Variants in GRIP1 observed in about 807,000 individuals in gnomAD.
GRIP1 encodes glutamate receptor-interacting protein 1.
A neutral mutation model predicts 129.9 loss-of-function variants in GRIP1; 45 were observed. The observed-to-expected ratio is 0.35, with a 90% confidence interval of 0.27 to 0.44. The LOEUF (loss-of-function observed/expected upper bound fraction) is 0.44, where lower values mean the gene tolerates loss of function less well. Among genes scored for constraint, GRIP1 ranks in the 20% least tolerant of loss-of-function variants. The pLI, the probability that GRIP1 is intolerant of heterozygous loss-of-function variation, is 1.00. For synonymous variants in GRIP1, 530 were observed against 520.8 expected, an observed-to-expected ratio of 1.02 and a Z score of -0.24; for missense variants, 1,196 against 1,396.8, an observed-to-expected ratio of 0.86 and a Z score of 2.29.
intron 16 of GRIP1, among the ~76,000 whole-genome samples, chr12:66,403,029 A>G (rs1048743039): frequency 1.3e-5 from 2 of 152,244 alleles, no homozygotes; most frequent in African/African-American, 4.8e-5. Flanking sequence ...TTATGTAGAC[A>G]TTACTGAAAA....
At chr12:66,815,856 C>CTTTCTTTCTTTCTTTCTTTCTCTG (rs11458006) in intron 1 of GRIP1, among the ~76,000 whole-genome samples, 59 of 134,192 alleles carry the variant, frequency 4.4e-4, no homozygotes, top group Non-Finnish European at 7.5e-4. Context: ...TTCTTTCTTT[C>CTTTCTTTCTTTCTTTCTTTCTCTG]TCTCTCTCTC....
intron 2 of GRIP1, among the ~76,000 whole-genome samples, chr12:66,594,615 C>CAGCT (rs1391446751): frequency 6.6e-6 from 1 of 152,182 alleles, no homozygotes; most frequent in East Asian, 1.9e-4. Context: ...CTGGTGCTTA[C>CAGCT]AGCTCTATAT....
intron 1 of GRIP1, among the ~76,000 whole-genome samples, chr12:66,649,206 T>C (rs7304381): frequency 6.6e-6 from 1 of 152,196 alleles, no homozygotes; most frequent in African/African-American, 2.4e-5. Context: ...CTCGATTCTC[T>C]TGATAGTATT....
chr12:66,606,196 G>C (rs959098074), intron 1 of GRIP1, among the ~76,000 whole-genome samples: 5 of 152,176 alleles, frequency 3.3e-5, no homozygotes, highest in African/African-American at 1.2e-4. Flanking sequence ...TGAAATAGGT[G>C]ATGGGACTTT....
intron 1 of GRIP1, among the ~76,000 whole-genome samples, chr12:66,849,026 T>C (rs2039866100): frequency 6.6e-6 from 1 of 152,186 alleles, no homozygotes; most frequent in Non-Finnish European, 1.5e-5. Context: ...TACTCCATCC[T>C]GCATATTGCT....
chr12:66,855,193 G>A (rs1180439847), intron 1 of GRIP1, among the ~76,000 whole-genome samples: 1 of 151,902 alleles, frequency 6.6e-6, no homozygotes, highest in Non-Finnish European at 1.5e-5. Flanking sequence ...TACACATGAG[G>A]CACATTATAT....
intron 1 of GRIP1, among the ~76,000 whole-genome samples, chr12:67,007,126 AG>A (rs2042638174): frequency 6.6e-6 from 1 of 152,202 alleles, no homozygotes; most frequent in African/African-American, 2.4e-5. Context: ...CTTTCACTAG[AG>A]AGGAGAGCAC....
At chr12:66,910,759 T>C (rs950547973) in intron 1 of GRIP1, among the ~76,000 whole-genome samples, 1 of 152,148 alleles carries the variant, frequency 6.6e-6, no homozygotes, top group Non-Finnish European at 1.5e-5. Context: ...CTTGACTTTG[T>C]AGACCAGTGA....
chr12:66,670,212 C>G (rs1221053624), intron 1 of GRIP1, among the ~76,000 whole-genome samples: 2 of 152,186 alleles, frequency 1.3e-5, no homozygotes. Flanking sequence ...AAGCAGAAAA[C>G]TTTATAACCC....
In GRIP1 at chr12:66,730,475, C is replaced by T. The variant is rs182206237; in HGVS notation, c.-420+73578G>A. Among the ~76,000 whole-genome samples, 5 of 152,164 alleles carry T rather than the reference C, an allele frequency of 3.3e-5. No homozygotes were observed. The East Asian group carries it at 9.6e-4, about 29-fold the overall frequency. The stretch of plus-strand genomic sequence containing the variant: ...TTGCTTAAGTTTATATTTACAATTT[C>T]TGTTACTAAAGATCCATAGCAATCT... On this transcript the variant is annotated intron_variant, in intron 1 of 4. Transcript: ENST00000538373.
chr12:67,002,245 A>G (rs2042562085), intron 1 of GRIP1, among the ~76,000 whole-genome samples: 1 of 152,208 alleles, frequency 6.6e-6, no homozygotes, highest in Non-Finnish European at 1.5e-5. Flanking sequence ...CCCACTCAAA[A>G]CATAGTGTTT....
At chr12:66,378,155 A>C (rs2055904024) in intron 20 of GRIP1, among the ~76,000 whole-genome samples, 1 of 151,700 alleles carries the variant, frequency 6.6e-6, no homozygotes, top group Non-Finnish European at 1.5e-5. Context: ...AAAAGAAAGG[A>C]GAGGGGCCCA....
intron 1 of GRIP1, among the ~76,000 whole-genome samples, chr12:67,050,030 A>T: frequency 8.4e-6 from 1 of 118,458 alleles, no homozygotes; most frequent in Non-Finnish European, 1.7e-5. Context: ...TCCTGGGGTG[A>T]TTTTTTCATT....
At chr12:66,491,545 T>C (rs978787670) in intron 7 of GRIP1, among the ~76,000 whole-genome samples, 1 of 152,096 alleles carries the variant, frequency 6.6e-6, no homozygotes, top group African/African-American at 2.4e-5. Flanking sequence ...GATGGGTTGA[T>C]CTGTGTAGCA....
At chr12:66,553,123 C>A (rs577546921) in intron 2 of GRIP1, among the ~76,000 whole-genome samples, 21 of 152,332 alleles carry the variant, frequency 1.4e-4, no homozygotes, top group Non-Finnish European at 2.6e-4. Context: ...AAACCATTTT[C>A]TTGTCACAGA....
chr12:66,768,462 G>C (rs2037714740), intron 1 of GRIP1, among the ~76,000 whole-genome samples: 1 of 152,292 alleles, frequency 6.6e-6, no homozygotes, highest in Admixed American at 6.5e-5. Context: ...GACTAGAATT[G>C]CCAATACAGA....
At chr12:67,037,113 C>T (rs1244062768) in intron 1 of GRIP1, among the ~76,000 whole-genome samples, 7 of 151,880 alleles carry the variant, frequency 4.6e-5, no homozygotes, top group African/African-American at 4.8e-5. Context: ...GGGTGGATCA[C>T]GAGGTCAGAT....
At chr12:66,587,968 G>C (rs1592606739) in intron 2 of GRIP1, among the ~76,000 whole-genome samples, 1 of 151,950 alleles carries the variant, frequency 6.6e-6, no homozygotes, top group South Asian at 2.1e-4. Flanking sequence ...AAGAATATTT[G>C]ATTTTAAAAG....
Position 66,568,036 on chromosome 12 carries a change from T to C in GRIP1, c.137-26086A>G, listed in dbSNP as rs1592566754. 3 of 213,320 alleles carry C rather than the reference T, an allele frequency of 1.4e-5. No homozygotes were observed. The East Asian group carries it at 3.8e-4, about 27-fold the overall frequency. The allele number at this position is 213,320 out of a possible 1,614,324, so 13.2% of individuals were successfully genotyped here. ...TTTGATTAGGTCCAGATATCACCAA[T>C]GAATTGAATCTTTCTGATAAACACT... is the stretch of plus-strand genomic sequence containing the variant. On this transcript the variant is annotated intron_variant, in intron 2 of 24. Coordinates refer to ENST00000359742, the MANE Select transcript of GRIP1 (RefSeq NM_001366722.1).
Sources: gnomAD v4.1 joint callset for allele counts (sites outside exome capture counted in the v4.1 genomes callset) on GRCh38, gnomAD v4.1.1 for gene constraint, MANE v1.5 for transcripts, NCBI Gene and HGNC (gene_info 2026-07-23, HGNC 2026-07-21) for gene names.